Variants in COLEC10 observed in about 807,000 individuals in gnomAD.
COLEC10 encodes the protein collectin subfamily member 10.
COLEC10 carries 22 observed loss-of-function variants against 28.4 expected under a neutral mutation model. The ratio of observed to expected loss-of-function variants is 0.78; its 90% CI spans 0.55 to 1.11. The LOEUF (loss-of-function observed/expected upper bound fraction) is 1.11, where lower values mean the gene tolerates loss of function less well. Ranked by LOEUF, COLEC10 falls within the 50% of genes least tolerant of loss-of-function variation. The pLI, the probability that COLEC10 is intolerant of heterozygous loss-of-function variation, is 0.00. For synonymous variants in COLEC10, 125 were observed against 116.1 expected (o/e 1.08, Z -0.49); for missense variants, 361 against 344.1 (o/e 1.05, Z -0.39).
intron 2 of COLEC10, among the ~76,000 whole-genome samples, chr8:119,040,528 G>A (rs1352646487): frequency 6.6e-6 from 1 of 152,174 alleles, no homozygotes; most frequent in Non-Finnish European, 1.5e-5. Flanking sequence ...CATGTAGGGA[G>A]AGGAGGAAAA....
chr8:118,955,355 C>T, the COLEC10 span, among the ~76,000 whole-genome samples: 1 of 152,168 alleles, frequency 6.6e-6, no homozygotes, highest in African/African-American at 2.4e-5. Context: ...AGCTGACTCA[C>T]TTTCTGATGA....
At chr8:118,990,128 A>G in the COLEC10 span, among the ~76,000 whole-genome samples, 2 of 152,264 alleles carry the variant, frequency 1.3e-5, no homozygotes, top group African/African-American at 4.8e-5. Context: ...AAGTCTTATC[A>G]ACCAACTGTA....
chr8:118,981,450 A>G, the COLEC10 span, among the ~76,000 whole-genome samples: 92,328 of 151,848 alleles, frequency 0.61, 29,342 homozygotes, highest in African/African-American at 0.79. Flanking sequence ...AATACTATAC[A>G]CATTTTTATC....
At chr8:119,062,463 C>T (rs1047742937), upstream of COLEC10, among the ~76,000 whole-genome samples, 1 of 150,706 alleles carries the variant, frequency 6.6e-6, no homozygotes, top group Non-Finnish European at 1.5e-5. Flanking sequence ...GTCAGCTTTC[C>T]CAGGTTGAAT....
intron 1 of COLEC10, among the ~76,000 whole-genome samples, chr8:119,088,403 C>A (rs78545670): frequency 6.6e-6 from 1 of 152,122 alleles, no homozygotes; most frequent in Admixed American, 6.6e-5. Context: ...AATCTCACAC[C>A]TGGAAATCCA....
At chr8:119,009,263 T>C (rs1214544111) in intron 1 of COLEC10, among the ~76,000 whole-genome samples, 2 of 150,972 alleles carry the variant, frequency 1.3e-5, no homozygotes, top group East Asian at 1.9e-4. Flanking sequence ...CCAACACTTA[T>C]GTTGAACCTT....
chr8:118,963,896 A>T, the COLEC10 span, among the ~76,000 whole-genome samples: 4,072 of 152,284 alleles, frequency 0.027, 90 homozygotes, highest in Non-Finnish European at 0.042. Context: ...GGTGCTGGAC[A>T]TGGAGGGAGC....
At chr8:118,993,676 T>C (rs933524113), upstream of COLEC10, among the ~76,000 whole-genome samples, 7 of 152,282 alleles carry the variant, frequency 4.6e-5, no homozygotes, top group Admixed American at 4.6e-4. Context: ...TCTATGTGTG[T>C]CTGTGTCCTA....
upstream of COLEC10, chr8:119,067,120 GAAAAT>G (rs148350292): frequency 8.4e-3 from 5,391 of 640,040 alleles, 40 homozygotes; most frequent in Admixed American, 0.016. Flanking sequence ...GGAGCACTGA[GAAAAT>G]AAACAACCTA....
chr8:119,076,251 G>A (rs1815232004), intron 1 of COLEC10, among the ~76,000 whole-genome samples: 1 of 116,696 alleles, frequency 8.6e-6, no homozygotes, highest in East Asian at 2.5e-4. Flanking sequence ...ATGTGCTGAG[G>A]ACACAAAATT....
the COLEC10 span, among the ~76,000 whole-genome samples, chr8:118,961,773 T>A: frequency 6.6e-6 from 1 of 152,202 alleles, no homozygotes; most frequent in African/African-American, 2.4e-5. Flanking sequence ...TTTCTAATGG[T>A]TCTTGACCTT....
intron 1 of COLEC10, among the ~76,000 whole-genome samples, chr8:119,078,990 TACACACACAC>T (rs59453751): frequency 0.021 from 3,007 of 143,034 alleles, 42 homozygotes; most frequent in African/African-American, 0.024. Flanking sequence ...TGGGAAAACG[TACACACACAC>T]ACACACACAC....
At chr8:119,029,126 G>A (rs929033225) in intron 2 of COLEC10, among the ~76,000 whole-genome samples, 1 of 152,148 alleles carries the variant, frequency 6.6e-6, no homozygotes, top group Non-Finnish European at 1.5e-5. Context: ...TGCCACAGTG[G>A]TTCAGAGCAC....
chr8:118,988,086 C>A, the COLEC10 span, among the ~76,000 whole-genome samples: 1 of 152,146 alleles, frequency 6.6e-6, no homozygotes, highest in Non-Finnish European at 1.5e-5. Flanking sequence ...GGAAAAGAAG[C>A]TGCTGGAGCC....
intron 2 of COLEC10, among the ~76,000 whole-genome samples, chr8:119,041,596 G>A (rs1814495214): frequency 6.6e-6 from 1 of 152,132 alleles, no homozygotes. Flanking sequence ...GTGTGCTTAT[G>A]AAATTGGGGT....
At chr8:118,979,357 T>C in the COLEC10 span, among the ~76,000 whole-genome samples, 1 of 152,002 alleles carries the variant, frequency 6.6e-6, no homozygotes. Context: ...CTTTATTACG[T>C]GTAATGACAT....
chr8:119,032,000 C>G (rs1250628873), intron 2 of COLEC10, among the ~76,000 whole-genome samples: 1 of 152,160 alleles, frequency 6.6e-6, no homozygotes, highest in African/African-American at 2.4e-5. Flanking sequence ...ACCAAAAAAC[C>G]TGTGAGGTAA....
At chr8:118,976,569 T>C in the COLEC10 span, 1 of 152,342 alleles carries the variant, frequency 6.6e-6, no homozygotes, top group Admixed American at 6.6e-5. Flanking sequence ...AAGATTAGCA[T>C]GGCCCCTGTG....
At chr8:119,004,751 A>G (rs1433913588) in intron 1 of COLEC10, among the ~76,000 whole-genome samples, 2 of 151,676 alleles carry the variant, frequency 1.3e-5, no homozygotes, top group African/African-American at 2.4e-5. Flanking sequence ...AGGTCACCCA[A>G]TTGCTCACCT....
Sources: allele counts gnomAD v4.1 joint callset (sites outside exome capture counted in the v4.1 genomes callset), GRCh38; gene constraint gnomAD v4.1.1; transcripts MANE v1.5; gene names NCBI Gene and HGNC (gene_info 2026-07-23, HGNC 2026-07-21).